STXBP6: variants seen among roughly 807,000 people sequenced by gnomAD.
The protein encoded by STXBP6 is syntaxin binding protein 6.
In STXBP6, 21 loss-of-function variants were observed where a neutral mutation model predicts 26.9. The ratio of observed to expected loss-of-function variants is 0.78; its 90% confidence interval spans 0.55 to 1.12. The LOEUF (loss-of-function observed/expected upper bound fraction) is 1.12. Ranked by LOEUF, STXBP6 falls within the 50% of genes most tolerant of loss-of-function variation. STXBP6 has a pLI of 0.00. For synonymous variants in STXBP6, 97 were observed against 92.6 expected, an observed-to-expected ratio of 1.05 and a Z score of -0.27; for missense variants, 232 against 257.9, an observed-to-expected ratio of 0.90 and a Z score of 0.69.
At chr14:24,951,909 T>C (rs565767652) in intron 2 of STXBP6, among the ~76,000 whole-genome samples, 1 of 152,026 alleles carries the variant, frequency 6.6e-6, no homozygotes, top group East Asian at 1.9e-4. Flanking sequence ...CTATGAAATA[T>C]AAATACACAT....
intron 2 of STXBP6, among the ~76,000 whole-genome samples, chr14:24,924,582 A>G (rs1281313461): frequency 6.6e-6 from 1 of 152,198 alleles, no homozygotes; most frequent in East Asian, 1.9e-4. Context: ...TTCATTAAGA[A>G]TAAGAATCGT....
intron 2 of STXBP6, among the ~76,000 whole-genome samples, chr14:24,963,697 C>G (rs1030106906): frequency 2.6e-5 from 4 of 152,106 alleles, no homozygotes; most frequent in Non-Finnish European, 4.4e-5. Flanking sequence ...ACTTGTTACT[C>G]CATTAAATGA....
chr14:24,985,626 T>C (rs1015557695), intron 1 of STXBP6, among the ~76,000 whole-genome samples: 3 of 152,200 alleles, frequency 2.0e-5, no homozygotes, highest in Non-Finnish European at 4.4e-5. Context: ...CCAGCAGCAA[T>C]GCCCTGAGTT....
At chr14:24,943,394 A>C (rs2072872941) in intron 2 of STXBP6, among the ~76,000 whole-genome samples, 1 of 152,232 alleles carries the variant, frequency 6.6e-6, no homozygotes, top group Admixed American at 6.5e-5. Context: ...TCCTGTGAGA[A>C]AAAAATAAAC....
intron 5 of STXBP6, among the ~76,000 whole-genome samples, chr14:24,813,940 T>C (rs902195264): frequency 6.6e-6 from 1 of 152,204 alleles, no homozygotes; most frequent in Non-Finnish European, 1.5e-5. Context: ...CAGGTTTGCA[T>C]GTGATAGAGG....
intron 2 of STXBP6, among the ~76,000 whole-genome samples, chr14:24,921,703 T>C (rs534033223): frequency 1.3e-5 from 2 of 152,220 alleles, no homozygotes; most frequent in East Asian, 1.9e-4. Context: ...AGTCCCAGTA[T>C]TGGGAAAGTC....
At position 24,926,499 on chromosome 14, in the gene STXBP6, C is replaced by T. The variant is rs893794613; in HGVS notation, c.154+48166G>A. The stretch of plus-strand genomic sequence containing the variant: ...AAGAGTCAAAATTTCACATATTTTA[C>T]GCCCTGTGATGACTGAGAAAAAAAT... On this transcript the variant is annotated intron_variant, in intron 2 of 5. Transcript: ENST00000323944. 1.2e-4 allele frequency among the ~76,000 whole-genome samples: 18 copies of T among 152,186 alleles called. No homozygotes were observed. In the Middle Eastern group the frequency reaches 0.014, roughly 115 times the overall value.
intron 1 of STXBP6, among the ~76,000 whole-genome samples, chr14:25,045,102 A>C (rs917954889): frequency 1.2e-4 from 18 of 152,194 alleles, no homozygotes; most frequent in Non-Finnish European, 2.5e-4. Context: ...TCCCACCCAC[A>C]ATATTAAATC....
intron 2 of STXBP6, among the ~76,000 whole-genome samples, chr14:24,924,948 G>A (rs1451861488): frequency 6.6e-6 from 1 of 152,170 alleles, no homozygotes; most frequent in Non-Finnish European, 1.5e-5. Context: ...CTGAAAATCA[G>A]CTACTATAAG....
chr14:25,046,482 C>G (rs1470604106), intron 1 of STXBP6, among the ~76,000 whole-genome samples: 1 of 152,158 alleles, frequency 6.6e-6, no homozygotes, highest in Non-Finnish European at 1.5e-5. Context: ...CATTTTAAAA[C>G]TAAAACAAAG....
chr14:24,904,442 C>T (rs558498296), intron 2 of STXBP6, among the ~76,000 whole-genome samples: 2 of 152,074 alleles, frequency 1.3e-5, no homozygotes, highest in Non-Finnish European at 2.9e-5. Flanking sequence ...CTTTTAATGG[C>T]GAACCCGCAA....
chr14:24,888,319 A>C (rs1051157733), intron 2 of STXBP6, among the ~76,000 whole-genome samples: 1 of 152,234 alleles, frequency 6.6e-6, no homozygotes, highest in African/African-American at 2.4e-5. Flanking sequence ...AGCTGGCAGT[A>C]GGGAAAAGCC....
chr14:24,948,662 A>G (rs983470160), intron 2 of STXBP6, among the ~76,000 whole-genome samples: 1 of 152,172 alleles, frequency 6.6e-6, no homozygotes, highest in African/African-American at 2.4e-5. Context: ...TTTTGTTGCT[A>G]TCTCAGCAGG....
At chr14:24,862,050 G>A (rs564937131) in intron 2 of STXBP6, among the ~76,000 whole-genome samples, 28 of 152,262 alleles carry the variant, frequency 1.8e-4, no homozygotes, top group African/African-American at 6.3e-4. Context: ...CTGCTGGAGC[G>A]CAGCAGTTGC....
chr14:25,023,123 T>G (rs1211000357), intron 1 of STXBP6, among the ~76,000 whole-genome samples: 1 of 152,240 alleles, frequency 6.6e-6, no homozygotes, highest in Non-Finnish European at 1.5e-5. Context: ...CTACTTCACT[T>G]ATAAACAAGC....
intron 1 of STXBP6, among the ~76,000 whole-genome samples, chr14:25,031,705 A>G (rs2075458562): frequency 6.6e-6 from 1 of 151,794 alleles, no homozygotes. Context: ...GGCTGTATGT[A>G]TCTCCCAAGC....
chr14:24,978,031 A>G (rs2074095161), intron 1 of STXBP6, among the ~76,000 whole-genome samples: 1 of 152,252 alleles, frequency 6.6e-6, no homozygotes, highest in African/African-American at 2.4e-5. Context: ...TGTGGAGCAC[A>G]CATGTATACA....
intron 4 of STXBP6, among the ~76,000 whole-genome samples, chr14:24,850,311 G>C (rs188641365): frequency 2.6e-3 from 391 of 152,180 alleles, no homozygotes; most frequent in Admixed American, 0.011. Context: ...GTGAGGGCCA[G>C]CCTGGTGTGA....
intron 1 of STXBP6, among the ~76,000 whole-genome samples, chr14:25,042,999 A>G (rs1212844092): frequency 6.6e-6 from 1 of 152,256 alleles, no homozygotes; most frequent in African/African-American, 2.4e-5. Flanking sequence ...AGAGTTCTAC[A>G]AACAAATTAG....
Sources: allele counts gnomAD v4.1 joint callset (sites outside exome capture counted in the v4.1 genomes callset), GRCh38; gene constraint gnomAD v4.1.1; transcripts MANE v1.5; gene names NCBI Gene and HGNC (gene_info 2026-07-23, HGNC 2026-07-21).